CELF2: variants seen among roughly 807,000 people sequenced by gnomAD.
The protein encoded by CELF2 is CUG triplet repeat RNA-binding protein 2.
In CELF2, 8 loss-of-function variants were observed where a neutral mutation model predicts 62.6. The ratio of observed to expected loss-of-function variants is 0.13; its 90% CI spans 0.07 to 0.23. The LOEUF is 0.23. Among genes scored for constraint, CELF2 ranks in the 10% least tolerant of loss-of-function variants. CELF2 has a pLI of 1.00. For missense variants in CELF2, 333 were observed against 671.0 expected (o/e 0.50, Z 5.56); for synonymous variants, 258 against 250.0 (o/e 1.03, Z -0.30).
At chr10:10,652,557 G>A in the CELF2 span, among the ~76,000 whole-genome samples, 1 of 144,014 alleles carries the variant, frequency 6.9e-6, no homozygotes, top group Non-Finnish European at 1.5e-5. Context: ...AAGAGAGTGG[G>A]GGCCAATATT....
chr10:10,775,595 CAGAG>C, the CELF2 span, among the ~76,000 whole-genome samples: 1 of 144,594 alleles, frequency 6.9e-6, no homozygotes, highest in East Asian at 2.2e-4. Flanking sequence ...CGCTGCATGA[CAGAG>C]AGAGACTCTG....
intron 2 of CELF2, among the ~76,000 whole-genome samples, chr10:10,965,319 C>A (rs1160083405): frequency 2.6e-5 from 4 of 152,124 alleles, no homozygotes; most frequent in Non-Finnish European, 5.9e-5. Flanking sequence ...TTCTTAAAGA[C>A]AAAATTCATT....
the CELF2 span, among the ~76,000 whole-genome samples, chr10:10,737,945 C>T: frequency 6.6e-6 from 1 of 152,188 alleles, no homozygotes; most frequent in Non-Finnish European, 1.5e-5. Flanking sequence ...CTTTGCACAC[C>T]TGGGTCTCTG....
rs144592539 is a variant in CELF2, at chr10:11,135,522, G to T, written c.75-29964G>T. On this transcript the variant is annotated intron_variant, in intron 1 of 12. Transcript: ENST00000633077. ...AGATTTTCTAAAAATTAAAGCAATT[G>T]TATCAATGCCTATGAAATATGCTAC... Among the ~76,000 whole-genome samples the T allele has an allele frequency of 5.8e-3, 884 of 152,282 alleles. 8 individuals carry two copies. Among genetic ancestry groups the T allele is most frequent in the African/African-American group, 0.02 (836 of 41,540 alleles).
Position 10,954,292 on chromosome 10 carries a change from C to T in CELF2, c.89+34293C>T, listed in dbSNP as rs1283854143. Among the ~76,000 whole-genome samples the T allele has an allele frequency of 2.6e-5, 4 of 151,034 alleles. No individual in the cohort carries two copies. The East Asian group carries it at 7.7e-4, about 29-fold the overall frequency. The stretch of plus-strand genomic sequence containing the variant: ...ATGGAGCCTTGTTCTGTCGCCCAGG[C>T]TGGAGTGCAGTGGCATGATCTTGGC... On this transcript the variant is annotated intron_variant, in intron 2 of 13. Transcript: ENST00000636488.
intron 1 of CELF2, among the ~76,000 whole-genome samples, chr10:10,867,584 C>T (rs182746589): frequency 4.6e-5 from 7 of 152,278 alleles, no homozygotes; most frequent in African/African-American, 1.7e-4. Flanking sequence ...TTTCTATTAT[C>T]AAGCCTCTCC....
the CELF2 span, among the ~76,000 whole-genome samples, chr10:10,763,413 G>C: frequency 6.6e-6 from 1 of 152,132 alleles, no homozygotes; most frequent in Non-Finnish European, 1.5e-5. Context: ...GTAATTATGA[G>C]ATGGAGGCCC....
chr10:10,763,386 T>C, the CELF2 span, among the ~76,000 whole-genome samples: 7 of 152,042 alleles, frequency 4.6e-5, no homozygotes, highest in South Asian at 2.1e-4. Context: ...GACTTGGAAA[T>C]TGAGATCCCT....
intron 2 of CELF2, among the ~76,000 whole-genome samples, chr10:10,939,313 A>C (rs2046783034): frequency 7.4e-6 from 1 of 135,508 alleles, no homozygotes; most frequent in Admixed American, 6.9e-5. Flanking sequence ...GTTGAGACGG[A>C]GTCTCGCCTG....
chr10:10,500,019 G>A, the CELF2 span, among the ~76,000 whole-genome samples: 62 of 152,100 alleles, frequency 4.1e-4, no homozygotes, highest in Admixed American at 2.0e-3. Flanking sequence ...GAGCCTCACC[G>A]CAGAAACTGG....
chr10:10,533,051 G>A, the CELF2 span, among the ~76,000 whole-genome samples: 4 of 152,142 alleles, frequency 2.6e-5, 1 homozygote, highest in African/African-American at 9.7e-5. Context: ...TCAGAATGCT[G>A]GGTTTGTAAC....
At chr10:10,670,890 C>T in the CELF2 span, among the ~76,000 whole-genome samples, 1 of 151,250 alleles carries the variant, frequency 6.6e-6, no homozygotes. Context: ...ATACTTATAC[C>T]AAGTGCAATG....
At chr10:11,304,340 C>T (rs375437283) in intron 9 of CELF2, among the ~76,000 whole-genome samples, 1 of 152,194 alleles carries the variant, frequency 6.6e-6, no homozygotes, top group Non-Finnish European at 1.5e-5. Flanking sequence ...CCACCCAGAC[C>T]ATCCACAATA....
chr10:10,589,651 A>T, the CELF2 span, among the ~76,000 whole-genome samples: 10 of 152,322 alleles, frequency 6.6e-5, no homozygotes, highest in Admixed American at 4.6e-4. Context: ...CCACCAGGTG[A>T]GTGCCTGGCC....
chr10:10,915,415 G>A (rs997518502), intron 1 of CELF2, among the ~76,000 whole-genome samples: 12 of 151,910 alleles, frequency 7.9e-5, no homozygotes, highest in Non-Finnish European at 1.5e-4. Flanking sequence ...CTTTTTTGTG[G>A]TTGTTTTTGA....
chr10:10,584,040 T>C, the CELF2 span, among the ~76,000 whole-genome samples: 1 of 152,070 alleles, frequency 6.6e-6, no homozygotes, highest in Non-Finnish European at 1.5e-5. Flanking sequence ...TCTACTCCCC[T>C]GAATAGAGAC....
chr10:11,287,593 A>G (rs1377380226), intron 8 of CELF2, among the ~76,000 whole-genome samples: 1 of 152,234 alleles, frequency 6.6e-6, no homozygotes, highest in African/African-American at 2.4e-5. Context: ...GGTAAATACA[A>G]ATATTTTACA....
intron 2 of CELF2, among the ~76,000 whole-genome samples, chr10:11,205,947 G>T (rs2135449810): frequency 6.6e-6 from 1 of 152,256 alleles, no homozygotes; most frequent in South Asian, 2.1e-4. Flanking sequence ...ATAGCCAAAG[G>T]GTTTGCCTCT....
chr10:10,535,747 C>G, the CELF2 span, among the ~76,000 whole-genome samples: 1 of 151,924 alleles, frequency 6.6e-6, no homozygotes, highest in East Asian at 1.9e-4. Context: ...AAAACAAAAA[C>G]AACAACAACA....
Sources: gnomAD v4.1 joint callset for allele counts (sites outside exome capture counted in the v4.1 genomes callset) on GRCh38, gnomAD v4.1.1 for gene constraint, MANE v1.5 for transcripts, NCBI Gene and HGNC (gene_info 2026-07-23, HGNC 2026-07-21) for gene names.